Variants in MLYCD observed in about 807,000 individuals in gnomAD.
MLYCD encodes the protein malonyl-CoA decarboxylase, mitochondrial.
A neutral mutation model predicts 35.8 loss-of-function variants in MLYCD; 27 were observed. That is an observed-to-expected ratio of 0.75 (90% CI 0.56 to 1.04). The LOEUF is 1.04. MLYCD is among the 50% of genes least tolerant of loss of function. The pLI, the probability that MLYCD is intolerant of heterozygous loss-of-function variation, is 0.00. For synonymous variants in MLYCD, 403 were observed against 302.4 expected, an observed-to-expected ratio of 1.33 and a Z score of -3.45; for missense variants, 917 against 665.1, an observed-to-expected ratio of 1.38 and a Z score of -4.17.
chr16:83,902,444 A>G (rs1003369356), intron 1 of MLYCD, among the ~76,000 whole-genome samples: 2 of 150,216 alleles, frequency 1.3e-5, no homozygotes, highest in East Asian at 2.0e-4. Context: ...GGGATCTGAT[A>G]TTGTAACCTC....
Position 83,921,341 on chromosome 16 carries a change from G to A in MLYCD, c.*5852G>A, listed in dbSNP as rs1567640412. On this transcript the variant is annotated 3_prime_UTR_variant, in exon 5 of 5. Transcript: ENST00000262430. ...ATGGATAGATGGAGGGTAGAGTGTA[G>A]ATGGAAGGAAAGGAAAGGAGGATGG... 1.4e-5 allele frequency: 2 copies of A among 140,194 alleles called. No individual in the cohort carries two copies. Among genetic ancestry groups the A allele is most frequent in the South Asian group, 2.4e-4 (1 of 4,128 alleles). The allele number at this position is 140,194 out of a possible 1,614,324, so 8.7% of individuals were successfully genotyped here.
At chr16:83,912,608 C>G (rs1274042934) in intron 4 of MLYCD, 2 of 553,896 alleles carry the variant, frequency 3.6e-6, no homozygotes, top group African/African-American at 3.8e-5. Context: ...CTGCAAGACG[C>G]AGTTGTATTC....
intron 2 of MLYCD, among the ~76,000 whole-genome samples, chr16:83,907,863 C>T (rs1907036715): frequency 6.6e-6 from 1 of 152,144 alleles, no homozygotes; most frequent in African/African-American, 2.4e-5. Context: ...CTGCATGAAT[C>T]CTTCCCCGGA....
At chr16:83,902,155 G>GTT (rs1555537769) in intron 1 of MLYCD, among the ~76,000 whole-genome samples, 2 of 87,318 alleles carry the variant, frequency 2.3e-5, no homozygotes, top group Non-Finnish European at 4.6e-5. Flanking sequence ...GTGTGCGTGC[G>GTT]TATATATATA....
At chr16:83,903,684 C>G (rs1206171933) in intron 1 of MLYCD, among the ~76,000 whole-genome samples, 1 of 152,182 alleles carries the variant, frequency 6.6e-6, no homozygotes, top group Non-Finnish European at 1.5e-5. Context: ...GTGGCACGCA[C>G]CTGTAGTCCC....
Position 83,908,265 on chromosome 16 carries a change from A to G in MLYCD, c.781A>G (p.Ile261Val), listed in dbSNP as rs752556162. 3 of 1,614,112 alleles carry G rather than the reference A, an allele frequency of 1.9e-6. No homozygotes were observed. The highest frequency in any genetic ancestry group is 2.2e-5 in the South Asian group (2 of 91,080). ...VVLHVALTGD[I>V]SSNIQAIVKE... ...TTTGCACGTGGCACTGACTGGTGAC[A>G]TCTCCAGCAACATCCAGGTACCTGC... The change falls in exon 3 of 5, where the codon ATC becomes GTC. Residue 261 changes from isoleucine (I) to valine (V), a missense_variant. Ile to Val is a conservative substitution (Grantham distance 29, BLOSUM62 3). Transcript: ENST00000262430.
At position 83,920,897 on chromosome 16, in the gene MLYCD, G is replaced by A. The variant is rs1245645283; in HGVS notation, c.*5408G>A. 1 of 147,954 alleles carries A rather than the reference G, an allele frequency of 6.8e-6. No homozygotes were observed. The allele number at this position is 147,954 out of a possible 1,614,324, so 9.2% of individuals were successfully genotyped here. A position where few individuals can be genotyped will look rare whatever the true frequency, so the allele number is the denominator to read the frequency against. On this transcript the variant is annotated 3_prime_UTR_variant, in exon 5 of 5. Transcript: ENST00000262430. ...ACATTAGATGGATGGATGGAAGGAA[G>A]GAAGATGGATGGATGGATGGATGGA...
Position 83,926,640 on chromosome 16 carries a change from G to A in MLYCD, c.*11151G>A, listed in dbSNP as rs919775812. On this transcript the variant is annotated 3_prime_UTR_variant, in exon 5 of 5. Transcript: ENST00000262430. ...CCTCCGATTTCGTCCTGTGAATGTT[G>A]ATATTAGTGGTCCCTTCCTTCAGGG... 1 of 152,310 alleles carries A rather than the reference G, an allele frequency of 6.6e-6. No homozygotes were observed. The highest frequency in any genetic ancestry group is 2.4e-5 in the African/African-American group (1 of 41,470). The allele number at this position is 152,310 out of a possible 1,614,324, so 9.4% of individuals were successfully genotyped here. A position where few individuals can be genotyped will look rare whatever the true frequency, so the allele number is the denominator to read the frequency against.
intron 1 of MLYCD, among the ~76,000 whole-genome samples, chr16:83,900,505 C>A (rs1001331546): frequency 6.6e-6 from 1 of 151,866 alleles, no homozygotes. Context: ...GCCTCGACTT[C>A]CCCAGGCTCA....
chr16:83,920,904 G>GAA lies in MLYCD; in HGVS notation c.*5415_*5416insAA, dbSNP rs1907630602. ...ATGGATGGATGGAAGGAAGGAAGAT[G>GAA]GATGGATGGATGGATGGATGGATGG... is the stretch of plus-strand genomic sequence containing the variant. On this transcript the variant is annotated 3_prime_UTR_variant, in exon 5 of 5. Transcript: ENST00000262430. The GAA allele has an allele frequency of 1.1e-5, 1 of 89,902 alleles. No individual in the cohort carries two copies. Among genetic ancestry groups the GAA allele is most frequent in the East Asian group, 3.2e-4 (1 of 3,174 alleles). 5.6% of individuals were successfully genotyped at this position (89,902 alleles called of 1,614,324 possible). A position where few individuals can be genotyped will look rare whatever the true frequency, so the allele number is the denominator to read the frequency against.
chr16:83,910,397 CAAAG>C (rs1368947167), intron 3 of MLYCD, among the ~76,000 whole-genome samples: 4 of 151,906 alleles, frequency 2.6e-5, no homozygotes, highest in African/African-American at 9.7e-5. Flanking sequence ...TCTTAAAAAA[CAAAG>C]GAGAGCCCGA....
At chr16:83,903,060 C>A (rs532592524) in intron 1 of MLYCD, among the ~76,000 whole-genome samples, 3 of 152,134 alleles carry the variant, frequency 2.0e-5, no homozygotes, top group African/African-American at 7.2e-5. Context: ...GAAACCGAGT[C>A]GAATCCCCAG....
chr16:83,912,256 G>A lies in MLYCD; in HGVS notation c.837G>A (p.Glu279=), dbSNP rs368041516. ...VKEHPPSETE[E]KNKITAAIFY... ...AACATCCTCCATCAGAAACAGAAGAGAAGAACAAAATCACTGCTGCGATCT... is the reference window on the plus strand; with the variant it reads ...AACATCCTCCATCAGAAACAGAAGAAAAGAACAAAATCACTGCTGCGATCT... The change falls in exon 4 of 5, where the codon GAG becomes GAA. Residue 279 remains glutamate, a synonymous_variant. Transcript: ENST00000262430. 11 of 1,614,036 alleles carry A rather than the reference G, an allele frequency of 6.8e-6. No individual in the cohort carries two copies. The highest frequency in any genetic ancestry group is 8.5e-6 in the Non-Finnish European group (10 of 1,180,038).
rs760613855 is a variant in MLYCD, at chr16:83,920,508, C to G, written c.*5019C>G. On this transcript the variant is annotated 3_prime_UTR_variant, in exon 5 of 5. Transcript: ENST00000262430. ...CCTGAGGTTCATTCTCGTTCTCTCC[C>G]TCTTCCCTTTCCCCTTCCTCCCTCC... 2 of 152,396 alleles carry G rather than the reference C, an allele frequency of 1.3e-5. No individual in the cohort carries two copies. The highest frequency in any genetic ancestry group is 1.5e-5 in the Non-Finnish European group (1 of 68,162). The allele number at this position is 152,396 out of a possible 1,614,324, so 9.4% of individuals were successfully genotyped here. A position where few individuals can be genotyped will look rare whatever the true frequency, so the allele number is the denominator to read the frequency against.
rs1907557456 is a variant in MLYCD at position 83,919,237 on chromosome 16, C to G, written c.*3748C>G. On this transcript the variant is annotated 3_prime_UTR_variant, in exon 5 of 5. Transcript: ENST00000262430. ...CAGTGCACAGGAGAACACACACACA[C>G]ACTGCACAGGAGACCATGCACAGTG... 8 of 140,350 alleles carry G rather than the reference C, an allele frequency of 5.7e-5. No individual in the cohort carries two copies. In the Admixed American group the frequency reaches 5.7e-4, roughly 10 times the overall value. The allele number at this position is 140,350 out of a possible 1,614,324, so 8.7% of individuals were successfully genotyped here.
At chr16:83,910,442 C>G in intron 3 of MLYCD, among the ~76,000 whole-genome samples, 1 of 152,052 alleles carries the variant, frequency 6.6e-6, no homozygotes, top group Non-Finnish European at 1.5e-5. Flanking sequence ...ATCCCAACAC[C>G]CCGGGAGGCT....
intron 1 of MLYCD, among the ~76,000 whole-genome samples, chr16:83,902,706 A>C (rs9941063): frequency 6.6e-6 from 1 of 151,974 alleles, no homozygotes; most frequent in Non-Finnish European, 1.5e-5. Flanking sequence ...GGGTTTTGCT[A>C]TGTTGGCCAG....
At position 83,902,155 on chromosome 16, in the gene MLYCD, G is replaced by GTGTATATA. The variant is rs1555537769; in HGVS notation, c.528+2484_528+2485insGTATATAT. 7.9e-3 allele frequency among the ~76,000 whole-genome samples: 691 copies of GTGTATATA among 87,156 alleles called. 5 individuals carry two copies. The highest frequency in any genetic ancestry group is 0.012 in the Non-Finnish European group (507 of 43,640). The allele number at this position is 87,156 out of a possible 152,430, so 57.2% of individuals were successfully genotyped here. ...TATGTGTGTGTGTGTGTGTGCGTGC[G>GTGTATATA]TATATATATATATATATATATATAT... On this transcript the variant is annotated intron_variant, in intron 1 of 4. Coordinates refer to ENST00000262430, the MANE Select transcript of MLYCD (RefSeq NM_012213.3).
At chr16:83,913,406 G>A (rs9935006) in intron 4 of MLYCD, 7,428 of 152,518 alleles carry the variant, frequency 0.049, 589 homozygotes, top group African/African-American at 0.17. Context: ...GGGGGAGTTG[G>A]GCCTTAGCCC....
Sources: gnomAD v4.1 joint callset for allele counts (sites outside exome capture counted in the v4.1 genomes callset) on GRCh38, gnomAD v4.1.1 for gene constraint, MANE v1.5 for transcripts, NCBI Gene and HGNC (gene_info 2026-07-23, HGNC 2026-07-21) for gene names.